Variants in DNTTIP1 observed in about 807,000 individuals in gnomAD.
DNTTIP1 encodes the protein deoxynucleotidyltransferase terminal-interacting protein 1.
Under a neutral mutation model 52.9 loss-of-function variants are expected in DNTTIP1, and 22 were observed. That is an observed-to-expected ratio of 0.42 (90% CI 0.30 to 0.59). The LOEUF (loss-of-function observed/expected upper bound fraction) is 0.59, where lower values mean the gene tolerates loss of function less well. Ranked by LOEUF, DNTTIP1 falls within the 20% of genes least tolerant of loss-of-function variation. The pLI is 0.22. For synonymous variants in DNTTIP1, 136 were observed against 155.1 expected, an observed-to-expected ratio of 0.88 and a Z score of 0.92; for missense variants, 286 against 435.5, an observed-to-expected ratio of 0.66 and a Z score of 3.06.
In DNTTIP1 at chr20:45,809,258, C is replaced by A. The variant is rs1479085751; in HGVS notation, c.795+73C>A. On this transcript the variant is annotated intron_variant, in intron 11 of 12. Transcript: ENST00000372622. The surrounding 1 kb of genome is among the most constrained non-coding windows in gnomAD (Gnocchi z 4.2). ...GAACCAGGATTTTGGCTGTGGGTGACAGCCTACCTCCAAATCTGACTTCCA... is the reference window on the plus strand; with the variant it reads ...GAACCAGGATTTTGGCTGTGGGTGAAAGCCTACCTCCAAATCTGACTTCCA... 3 of 1,321,426 alleles carry A rather than the reference C, an allele frequency of 2.3e-6. No homozygotes were observed. The highest frequency in any genetic ancestry group is 3.3e-6 in the Non-Finnish European group (3 of 917,820). The allele number at this position is 1,321,426 out of a possible 1,614,324, so 81.9% of individuals were successfully genotyped here.
At chr20:45,801,326 C>T in intron 5 of DNTTIP1, 76 bp from the exon 6 acceptor site, 4 of 1,536,178 alleles carry the variant, frequency 2.6e-6, no homozygotes, top group Non-Finnish European at 3.6e-6. Flanking sequence ...TAGTCCAGGG[C>T]TGTCTTCTGC....
chr20:45,795,049 C>T (rs930311745), intron 3 of DNTTIP1, among the ~76,000 whole-genome samples: 12 of 151,954 alleles, frequency 7.9e-5, no homozygotes, highest in Admixed American at 6.6e-4. Context: ...CCGCCCACCT[C>T]GGCCTCGCAA....
chr20:45,809,199 A>G lies in DNTTIP1; in HGVS notation c.795+14A>G. On this transcript the variant is annotated intron_variant, in intron 11 of 12. Transcript: ENST00000372622. The surrounding 1 kb of genome is among the most constrained non-coding windows in gnomAD (Gnocchi z 4.2). ...GGGGGCAAGATGGTAAGCATTATTCATTTGTGCCACTGCCAGTGACCCACC... is the reference window on the plus strand; with the variant it reads ...GGGGGCAAGATGGTAAGCATTATTCGTTTGTGCCACTGCCAGTGACCCACC... 1 of 1,613,058 alleles carries G rather than the reference A, an allele frequency of 6.2e-7. No homozygotes were observed. The highest frequency in any genetic ancestry group is 8.5e-7 in the Non-Finnish European group (1 of 1,179,496).
intron 4 of DNTTIP1, among the ~76,000 whole-genome samples, chr20:45,800,682 A>G (rs1981400792): frequency 7.6e-5 from 2 of 26,244 alleles, no homozygotes; most frequent in Non-Finnish European, 1.6e-4. Flanking sequence ...CTCAATTTAA[A>G]AAAAAAAAAA....
In DNTTIP1 at chr20:45,795,349, T is replaced by C; in HGVS notation, c.278T>C (p.Phe93Ser). 1 of 1,605,970 alleles carries C rather than the reference T, an allele frequency of 6.2e-7. No individual in the cohort carries two copies. The highest frequency in any genetic ancestry group is 8.5e-7 in the Non-Finnish European group (1 of 1,175,264). The change falls in exon 4 of 13, where the codon TTC becomes TCC. Residue 93 changes from phenylalanine to serine, a missense_variant. Physicochemically the swap from Phe to Ser is radical, Grantham distance 155 (BLOSUM62 -2). Coordinates refer to ENST00000372622, the MANE Select transcript of DNTTIP1 (RefSeq NM_052951.3). ...QTVFNKYMKF[F>S]QKAALNVRDN... ...TCCTCTGTTGTGCTCCCCTAGTTCT[T>C]CCAGAAGGCAGCACTGAACGTGCGA...
At chr20:45,801,167 ATTGGAGC>A (rs764867361) in intron 5 of DNTTIP1, 25 bp downstream of exon 5, 1 of 1,610,588 alleles carries the variant, frequency 6.2e-7, no homozygotes, top group African/African-American at 1.3e-5. Flanking sequence ...GTTCTCGGGT[ATTGGAGC>A]GGGAGGTCCT....
intron 4 of DNTTIP1, among the ~76,000 whole-genome samples, chr20:45,798,204 C>T (rs985496326): frequency 6.6e-5 from 10 of 152,122 alleles, no homozygotes; most frequent in African/African-American, 1.9e-4. Flanking sequence ...AAGCTGGAAA[C>T]CATCATTCTC....
In DNTTIP1 at chr20:45,792,730, C is replaced by G; in HGVS notation, c.159C>G (p.Arg53=). 1 of 1,612,674 alleles carries G rather than the reference C, an allele frequency of 6.2e-7. No individual in the cohort carries two copies. Among genetic ancestry groups the G allele is most frequent in the Non-Finnish European group, 8.5e-7 (1 of 1,179,362 alleles). Residue 53 remains arginine, a synonymous_variant, in exon 2 of 13, where the codon CGC becomes CGG. Coordinates refer to ENST00000372622, the MANE Select transcript of DNTTIP1 (RefSeq NM_052951.3). ...KHRQVQRRGR[R]SQMTTSFTDP... is the part of the protein sequence containing the mutation. ...GGCAGGTGCAGCGGAGGGGCCGCCG[C>G]TCACAGATGACAACAAGGTAAGGCT...
At chr20:45,801,690 C>T (rs966147220) in intron 6 of DNTTIP1, among the ~76,000 whole-genome samples, 2 of 152,062 alleles carry the variant, frequency 1.3e-5, no homozygotes, top group Admixed American at 1.3e-4. Flanking sequence ...TGAGAGGCTG[C>T]AGTGGGAGGA....
At chr20:45,810,052 C>T (rs1478796706) in intron 11 of DNTTIP1, among the ~76,000 whole-genome samples, 2 of 152,030 alleles carry the variant, frequency 1.3e-5, no homozygotes, top group African/African-American at 4.8e-5. Context: ...TTTTATATTG[C>T]TGACCTGGGA....
Position 45,792,720 on chromosome 20 carries a change from G to A in DNTTIP1, c.149G>A (p.Arg50Lys), listed in dbSNP as rs769222582. The change falls in exon 2 of 13, where the codon AGG (arginine) becomes AAG (lysine). Residue 50 changes from arginine (R) to lysine (K), a missense_variant. Physicochemically the swap from Arg to Lys is conservative, Grantham distance 26. Coordinates refer to ENST00000372622, the MANE Select transcript of DNTTIP1 (RefSeq NM_052951.3). Reference protein sequence around the residue: ...IMIKHRQVQRRGRRSQMTTSF... With the variant: ...IMIKHRQVQRKGRRSQMTTSF... ...ATAAAGCACCGGCAGGTGCAGCGGA[G>A]GGGCCGCCGCTCACAGATGACAACA... 1 of 1,612,576 alleles carries A rather than the reference G, an allele frequency of 6.2e-7. No homozygotes were observed. The highest frequency in any genetic ancestry group is 1.3e-5 in the African/African-American group (1 of 74,844).
Position 45,805,055 on chromosome 20 carries a change from G to C in DNTTIP1, c.604-91G>C. 3 of 1,092,450 alleles carry C rather than the reference G, an allele frequency of 2.7e-6. No homozygotes were observed. The Admixed American group carries it at 5.1e-5, about 19-fold the overall frequency. The allele number at this position is 1,092,450 out of a possible 1,614,324, so 67.7% of individuals were successfully genotyped here. On this transcript the variant is annotated intron_variant, in intron 8 of 12. Transcript: ENST00000372622. ...CTGTTGATTAAATAATAGACAAGGG[G>C]AAGGGTTAGAAAAGGGTAGGGGGAG...
At chr20:45,792,450 C>T (rs1413567541) in intron 1 of DNTTIP1, 1 of 501,364 alleles carries the variant, frequency 2.0e-6, no homozygotes, top group Non-Finnish European at 3.5e-6. Flanking sequence ...TGCTTCCCTT[C>T]CTCCTGCCGT....
rs1357323647 is a variant in DNTTIP1 at position 45,795,717 on chromosome 20, T to C, written c.372+274T>C. 2.6e-5 allele frequency among the ~76,000 whole-genome samples: 4 copies of C among 152,274 alleles called. No individual in the cohort carries two copies. In the East Asian group the frequency reaches 7.7e-4, roughly 29 times the overall value. On this transcript the variant is annotated intron_variant, in intron 4 of 12. Coordinates refer to ENST00000372622, the MANE Select transcript of DNTTIP1 (RefSeq NM_052951.3). ...GGGAGCCATAGGCACGAGAATCGCT[T>C]GAACCTGGGAGACAGAGGTTGCGGT...
intron 3 of DNTTIP1, among the ~76,000 whole-genome samples, chr20:45,794,952 C>T (rs1000981631): frequency 3.9e-5 from 6 of 152,218 alleles, no homozygotes; most frequent in Non-Finnish European, 4.4e-5. Context: ...GCATCCGCCA[C>T]CACGCCCAGC....
intron 1 of DNTTIP1, 97 bp from the exon 2 acceptor site, chr20:45,792,580 G>A: frequency 1.1e-6 from 1 of 908,680 alleles, no homozygotes; most frequent in South Asian, 1.9e-5. Flanking sequence ...GATCTGAGAA[G>A]CAGGGATGTC....
In DNTTIP1 at chr20:45,805,485, T is replaced by C. The variant is rs1601030960; in HGVS notation, c.723+119T>C. 7.2e-6 allele frequency: 8 copies of C among 1,108,406 alleles called. No individual in the cohort carries two copies. The East Asian group carries it at 1.3e-4, about 18-fold the overall frequency. 68.7% of individuals were successfully genotyped at this position (1,108,406 alleles called of 1,614,324 possible). ...TGGAGTCAGGACATCTGGGTTCTAG[T>C]TGTGCCTCTGCCATTCACCTTTCCC... On this transcript the variant is annotated intron_variant, in intron 10 of 12. Coordinates refer to ENST00000372622, the MANE Select transcript of DNTTIP1 (RefSeq NM_052951.3).
At chr20:45,798,732 T>C (rs1050902423) in intron 4 of DNTTIP1, among the ~76,000 whole-genome samples, 1 of 151,952 alleles carries the variant, frequency 6.6e-6, no homozygotes, top group Non-Finnish European at 1.5e-5. Context: ...ATCAGAGAGG[T>C]CTTCCCCTCG....
At chr20:45,803,948 C>A (rs144055792) in intron 8 of DNTTIP1, among the ~76,000 whole-genome samples, 8 of 152,304 alleles carry the variant, frequency 5.3e-5, no homozygotes, top group Admixed American at 5.2e-4. Flanking sequence ...CTCCTGAGTT[C>A]TTCCTCAGCA....
Sources: gnomAD v4.1 joint callset for allele counts (sites outside exome capture counted in the v4.1 genomes callset) on GRCh38, gnomAD v4.1.1 for gene constraint, Gnocchi (gnomAD v3.1) non-coding constraint, MANE v1.5 for transcripts, NCBI Gene and HGNC (gene_info 2026-07-23, HGNC 2026-07-21) for gene names.